Variants in DAB1 observed in about 807,000 individuals in gnomAD.
The protein encoded by DAB1 is DAB adaptor protein 1.
A neutral mutation model predicts 64.6 loss-of-function variants in DAB1; 15 were observed. The observed-to-expected ratio is 0.23, with a 90% CI of 0.16 to 0.36. DAB1 has a LOEUF of 0.36. Ranked by LOEUF, DAB1 falls within the 10% of genes least tolerant of loss-of-function variation. The probability of loss-of-function intolerance (pLI) is 1.00; values close to 1 mark genes in which losing one functional copy is unlikely to be tolerated. For missense variants in DAB1, 596 were observed against 706.7 expected (o/e 0.84, Z 1.78); for synonymous variants, 235 against 251.9 (o/e 0.93, Z 0.64).
At chr1:57,155,509 G>C (rs887280348) in intron 2 of DAB1, among the ~76,000 whole-genome samples, 2 of 151,674 alleles carry the variant, frequency 1.3e-5, no homozygotes, top group African/African-American at 2.4e-5. Context: ...GCTTAGGATG[G>C]CTTTAGATAG....
intron 1 of DAB1, among the ~76,000 whole-genome samples, chr1:57,385,862 A>C (rs1413461963): frequency 6.6e-6 from 1 of 152,174 alleles, no homozygotes; most frequent in African/African-American, 2.4e-5. Flanking sequence ...TTTTGCTTAC[A>C]AAGGAATGAT....
At chr1:57,368,977 A>G (rs536467647) in intron 1 of DAB1, among the ~76,000 whole-genome samples, 85 of 152,338 alleles carry the variant, frequency 5.6e-4, no homozygotes, top group African/African-American at 2.0e-3. Flanking sequence ...GGTGGGATTC[A>G]AAAGATGTAG....
chr1:58,017,944 T>C (rs1267678637), intron 5 of DAB1, among the ~76,000 whole-genome samples: 1 of 152,228 alleles, frequency 6.6e-6, no homozygotes, highest in Non-Finnish European at 1.5e-5. Context: ...ATGTAACTTA[T>C]TTAATTTCTC....
At chr1:57,866,537 T>C (rs1480428325) in intron 1 of DAB1, 6 of 152,124 alleles carry the variant, frequency 3.9e-5, no homozygotes, top group African/African-American at 1.4e-4. Flanking sequence ...TAGTGAAGAG[T>C]ACAATTCTAG....
intron 4 of DAB1, among the ~76,000 whole-genome samples, chr1:58,178,031 G>C (rs1235716493): frequency 6.6e-6 from 1 of 152,096 alleles, no homozygotes; most frequent in Non-Finnish European, 1.5e-5. Context: ...GATGTGGAAG[G>C]GCCTTTGAAA....
intron 1 of DAB1, among the ~76,000 whole-genome samples, chr1:57,300,320 A>AACAGTTGAAAAAAC (rs1553165702): frequency 3.3e-5 from 5 of 152,178 alleles, no homozygotes; most frequent in African/African-American, 1.2e-4. Context: ...ATGGCATGCT[A>AACAGTTGAAAAAAC]ACAGTTGGTA....
intron 2 of DAB1, among the ~76,000 whole-genome samples, chr1:57,188,477 T>C (rs1390971862): frequency 6.6e-6 from 1 of 152,106 alleles, no homozygotes; most frequent in Non-Finnish European, 1.5e-5. Flanking sequence ...AGACCAGAAT[T>C]TGGCTCTCAG....
rs75696655 is a variant in DAB1 at position 57,156,484 on chromosome 1, C to T, written c.68-11055G>A. ...GTGATGCCAGAACAGAGCAGACCTG[C>T]GGTGTCCAGATCTGCTGAATAACTG... is the stretch of plus-strand genomic sequence containing the variant. On this transcript the variant is annotated intron_variant, in intron 2 of 14. Transcript: ENST00000371236. 6.6e-3 allele frequency among the ~76,000 whole-genome samples: 1,009 copies of T among 152,172 alleles called. 13 individuals carry two copies. The highest frequency in any genetic ancestry group is 0.023 in the African/African-American group (952 of 41,506).
chr1:57,210,033 C>T (rs918281141), intron 2 of DAB1, among the ~76,000 whole-genome samples: 1 of 152,170 alleles, frequency 6.6e-6, no homozygotes, highest in Non-Finnish European at 1.5e-5. Flanking sequence ...CTGTTTAAGC[C>T]TCAGTTTCCT....
chr1:57,407,448 A>G (rs1683733118), intron 1 of DAB1, among the ~76,000 whole-genome samples: 1 of 152,232 alleles, frequency 6.6e-6, no homozygotes, highest in African/African-American at 2.4e-5. Flanking sequence ...TTACAAAGGG[A>G]AGAGCGGTGT....
chr1:58,449,339 C>T (rs1313723505), intron 3 of DAB1, among the ~76,000 whole-genome samples: 1 of 152,164 alleles, frequency 6.6e-6, no homozygotes, highest in African/African-American at 2.4e-5. Context: ...GCTGCAAAGT[C>T]AGGCTCTGCT....
At chr1:58,196,461 A>G (rs1001113242) in intron 4 of DAB1, among the ~76,000 whole-genome samples, 1 of 152,246 alleles carries the variant, frequency 6.6e-6, no homozygotes, top group African/African-American at 2.4e-5. Context: ...CAGTATGGCA[A>G]GACTGTAAGC....
At chr1:57,272,945 T>C (rs946475927) in intron 2 of DAB1, among the ~76,000 whole-genome samples, 7 of 152,188 alleles carry the variant, frequency 4.6e-5, no homozygotes, top group Non-Finnish European at 8.8e-5. Flanking sequence ...GCTTCCCTCT[T>C]GGGCTATCAA....
intron 6 of DAB1, among the ~76,000 whole-genome samples, chr1:57,680,585 T>A (rs1346542782): frequency 1.3e-5 from 2 of 152,202 alleles, no homozygotes; most frequent in East Asian, 3.9e-4. Context: ...TCCAATGATT[T>A]GTTTTCAACA....
chr1:58,171,074 G>C lies in DAB1; in HGVS notation n.310-20486C>G, dbSNP rs143909162. Among the ~76,000 whole-genome samples the C allele has an allele frequency of 2.0e-3, 302 of 152,242 alleles. 4 individuals are homozygous for C. Among genetic ancestry groups the C allele is most frequent in the Middle Eastern group, 0.017 (5 of 294 alleles). ...TTGGGAGACTTTGCTCTTTTCACAT[G>C]CCTTTCTTGTTATGCCTGAAAGTCC... On this transcript the variant is annotated intron_variant and non_coding_transcript_variant, in intron 4 of 20. Coordinates refer to the DAB1 transcript ENST00000485760.
intron 2 of DAB1, among the ~76,000 whole-genome samples, chr1:57,272,093 G>A (rs1264966344): frequency 2.6e-5 from 4 of 152,228 alleles, no homozygotes; most frequent in African/African-American, 4.8e-5. Context: ...CCTGAAGGGA[G>A]ATGTTGGCGT....
At chr1:57,253,304 G>A (rs1669495841) in intron 2 of DAB1, among the ~76,000 whole-genome samples, 1 of 152,184 alleles carries the variant, frequency 6.6e-6, no homozygotes, top group African/African-American at 2.4e-5. Flanking sequence ...AACTCAAGTA[G>A]GACTCCAGGT....
At chr1:57,319,444 C>T (rs981451452) in intron 1 of DAB1, among the ~76,000 whole-genome samples, 3 of 152,226 alleles carry the variant, frequency 2.0e-5, no homozygotes, top group Middle Eastern at 3.4e-3. Context: ...CAAGGAAAGA[C>T]GCCTGTTTAG....
At position 57,555,736 on chromosome 1, in the gene DAB1, G is replaced by A. The variant is rs751486258; in HGVS notation, n.625+93856C>T. Among the ~76,000 whole-genome samples the A allele has an allele frequency of 3.3e-4, 50 of 152,142 alleles. 1 individual carries two copies. The highest frequency in any genetic ancestry group is 2.0e-4 in the Admixed American group (3 of 15,274). On this transcript the variant is annotated intron_variant and non_coding_transcript_variant, in intron 7 of 20. Transcript: ENST00000485760. ...CTAATAAGGATAGAACCTACAACTTGAATGTAGGATTTTTGAGTTCAAACT... is the reference window on the plus strand; with the variant it reads ...CTAATAAGGATAGAACCTACAACTTAAATGTAGGATTTTTGAGTTCAAACT...
Sources: allele counts gnomAD v4.1 joint callset (sites outside exome capture counted in the v4.1 genomes callset), GRCh38; gene constraint gnomAD v4.1.1; transcripts MANE v1.5; gene names NCBI Gene and HGNC (gene_info 2026-07-23, HGNC 2026-07-21).